The following SERTAD2 variants were observed in gnomAD, a reference collection of about 807,000 sequenced individuals.
SERTAD2 encodes SERTA domain containing 2, also known as SERTA domain-containing protein 2.
A neutral mutation model predicts 15.4 loss-of-function variants in SERTAD2; 2 were observed. The observed-to-expected ratio is 0.13, with a 90% confidence interval of 0.05 to 0.41. The LOEUF is 0.41. Among genes scored for constraint, SERTAD2 ranks in the 10% least tolerant of loss-of-function variants. The probability of loss-of-function intolerance (pLI) is 0.99; values close to 1 mark genes in which losing one functional copy is unlikely to be tolerated. For missense variants in SERTAD2, 333 were observed against 409.7 expected (o/e 0.81, Z 1.62); for synonymous variants, 180 against 178.0 (o/e 1.01, Z -0.09).
rs771584035 is a variant in SERTAD2, at chr2:64,636,269, G to A, written c.603C>T (p.Ser201=). ...AATDSVKGTS[S]EAGTQKLDGP... The stretch of plus-strand genomic sequence containing the variant: ...CGTCGAGTTTCTGGGTGCCAGCCTC[G>A]CTGGAGGTCCCTTTCACACTGTCAG... Residue 201 remains serine, a synonymous_variant, in exon 2 of 2, where the codon AGC becomes AGT. Transcript: ENST00000313349. 20 of 1,614,054 alleles carry A rather than the reference G, an allele frequency of 1.2e-5. No homozygotes were observed. Among genetic ancestry groups the A allele is most frequent in the South Asian group, 4.4e-5 (4 of 91,088 alleles).
At chr2:64,643,866 CA>C (rs956396010) in intron 1 of SERTAD2, among the ~76,000 whole-genome samples, 1 of 124,722 alleles carries the variant, frequency 8.0e-6, no homozygotes, top group South Asian at 2.5e-4. Context: ...ACTCCGTCTC[CA>C]AAAAAACAAA....
intron 1 of SERTAD2, among the ~76,000 whole-genome samples, chr2:64,642,507 TC>T (rs1411079654): frequency 6.7e-6 from 1 of 149,686 alleles, no homozygotes; most frequent in Non-Finnish European, 1.5e-5. Flanking sequence ...TTTTTAAAAA[TC>T]TTTTTTTTTT....
At chr2:64,648,495 A>G (rs537016931) in intron 1 of SERTAD2, among the ~76,000 whole-genome samples, 1 of 152,372 alleles carries the variant, frequency 6.6e-6, no homozygotes, top group African/African-American at 2.4e-5. Flanking sequence ...ACTTCTGTGC[A>G]TTGATAATGA....
chr2:64,647,172 T>G (rs1573090667), intron 1 of SERTAD2, among the ~76,000 whole-genome samples: 1 of 152,252 alleles, frequency 6.6e-6, no homozygotes, highest in East Asian at 1.9e-4. Context: ...TCTTTCTATT[T>G]AAATTATAAG....
chr2:64,636,894 G>A lies in SERTAD2; in HGVS notation c.-4-19C>T, dbSNP rs755097439. ...CATATATCTGCAGAGGGGAGAGAGA[G>A]GAAATGGCATTAATCACATGAAAGC... On this transcript the variant is annotated intron_variant, in intron 1 of 1. Coordinates refer to ENST00000313349, the MANE Select transcript of SERTAD2 (RefSeq NM_014755.3). 23 of 1,531,426 alleles carry A rather than the reference G, an allele frequency of 1.5e-5. No individual in the cohort carries two copies. The highest frequency in any genetic ancestry group is 2.3e-5 in the East Asian group (1 of 44,254). 94.9% of individuals were successfully genotyped at this position (1,531,426 alleles called of 1,614,324 possible). A position where few individuals can be genotyped will look rare whatever the true frequency, so the allele number is the denominator to read the frequency against.
intron 1 of SERTAD2, among the ~76,000 whole-genome samples, chr2:64,652,370 A>T (rs1675031119): frequency 1.3e-5 from 2 of 152,062 alleles, no homozygotes; most frequent in South Asian, 4.2e-4. Flanking sequence ...AGACGCTCTC[A>T]GGTGGACGGT....
chr2:64,635,901 G>A lies in SERTAD2; in HGVS notation c.*26C>T, dbSNP rs1250689484. The A allele has an allele frequency of 2.6e-6, 4 of 1,546,706 alleles. No individual in the cohort carries two copies. Among genetic ancestry groups the A allele is most frequent in the Admixed American group, 3.4e-5 (2 of 59,068 alleles). On this transcript the variant is annotated 3_prime_UTR_variant, in exon 2 of 2. Coordinates refer to ENST00000313349, the MANE Select transcript of SERTAD2 (RefSeq NM_014755.3). ...TATGGGAACGCTCTGGGGTCTGGGT[G>A]GGCATAGTCGCTGGGTCCCTGGGTC...
chr2:64,639,645 C>CA (rs1674728808), intron 1 of SERTAD2, among the ~76,000 whole-genome samples: 1 of 152,174 alleles, frequency 6.6e-6, no homozygotes. Flanking sequence ...GTTACTAGAA[C>CA]AAACAACAGG....
At chr2:64,649,905 TG>T (rs1674974456) in intron 1 of SERTAD2, among the ~76,000 whole-genome samples, 1 of 152,122 alleles carries the variant, frequency 6.6e-6, no homozygotes, top group Non-Finnish European at 1.5e-5. Context: ...GCTGTCCCTG[TG>T]GGGAGGCAGG....
In SERTAD2 at chr2:64,634,325, A is replaced by C. The variant is rs1674605186; in HGVS notation, c.*1602T>G. 1 of 145,610 alleles carries C rather than the reference A, an allele frequency of 6.9e-6. No individual in the cohort carries two copies. Among genetic ancestry groups the C allele is most frequent in the Non-Finnish European group, 1.5e-5 (1 of 66,710 alleles). The allele number at this position is 145,610 out of a possible 1,614,324, so 9.0% of individuals were successfully genotyped here. The stretch of plus-strand genomic sequence containing the variant: ...GCAACCTTTTTAAAATTAAATGTAC[A>C]CCACTAGGAATAAAAAGCTACTTCT... On this transcript the variant is annotated 3_prime_UTR_variant, in exon 2 of 2. Transcript: ENST00000313349.
rs761740312 is a variant in SERTAD2 at position 64,636,460 on chromosome 2, C to T, written c.412G>A (p.Asp138Asn). The change falls in exon 2 of 2, where the codon GAC becomes AAC. Residue 138 changes from aspartate to asparagine, a missense_variant. Around this residue, in one of 2 missense-constraint regions of SERTAD2, gnomAD observed 332 missense variants for 392.9 expected, o/e 0.84. Transcript: ENST00000313349. ...GAGGTGCAAAACGTGTCATCGTCGT[C>T]CTCGAGCAGTGAGGCCGGGGTGAGG... Reference protein sequence around the residue: ...ACLTPASLLEDDDDTFCTSQA... With the variant: ...ACLTPASLLENDDDTFCTSQA... The T allele has an allele frequency of 6.2e-7, 1 of 1,613,964 alleles. No homozygotes were observed. Among genetic ancestry groups the T allele is most frequent in the Non-Finnish European group, 8.5e-7 (1 of 1,179,994 alleles).
In SERTAD2 at chr2:64,635,839, G is replaced by A. The variant is rs1674644525; in HGVS notation, c.*88C>T. 5 of 1,066,912 alleles carry A rather than the reference G, an allele frequency of 4.7e-6. No homozygotes were observed. The highest frequency in any genetic ancestry group is 6.9e-6 in the Non-Finnish European group (5 of 723,028). The allele number at this position is 1,066,912 out of a possible 1,614,324, so 66.1% of individuals were successfully genotyped here. A position where few individuals can be genotyped will look rare whatever the true frequency, so the allele number is the denominator to read the frequency against. On this transcript the variant is annotated 3_prime_UTR_variant, in exon 2 of 2. Transcript: ENST00000313349. ...TTTTCTTTTTCTCTGAAAAAGGCAA[G>A]CAAGGGTGCATGCACAGTGTGGAGA...
Position 64,652,871 on chromosome 2 carries a change from C to A in SERTAD2, c.-5+749G>T, listed in dbSNP as rs139855215. Among the ~76,000 whole-genome samples the A allele has an allele frequency of 7.0e-3, 1,071 of 152,210 alleles. 10 individuals are homozygous for A. The highest frequency in any genetic ancestry group is 0.024 in the African/African-American group (1,012 of 41,538). ...GTAACTTATAGCCAAGAAAACAAAACAAAATACGATTTTCTGTCCATGTAG... is the reference window on the plus strand; with the variant it reads ...GTAACTTATAGCCAAGAAAACAAAAAAAAATACGATTTTCTGTCCATGTAG... On this transcript the variant is annotated intron_variant, in intron 1 of 1. Transcript: ENST00000313349.
chr2:64,631,882 T>C lies in SERTAD2; in HGVS notation c.*4045A>G, dbSNP rs1169547155. ...AAACATGTCACTATGTACATCTTTT[T>C]TCAAAATCTCGGTCATGCGCACATA... On this transcript the variant is annotated 3_prime_UTR_variant, in exon 2 of 2. Transcript: ENST00000313349. 2 of 152,786 alleles carry C rather than the reference T, an allele frequency of 1.3e-5. No individual in the cohort carries two copies. Among genetic ancestry groups the C allele is most frequent in the East Asian group, 1.9e-4 (1 of 5,190 alleles). The allele number at this position is 152,786 out of a possible 1,614,324, so 9.5% of individuals were successfully genotyped here. A position where few individuals can be genotyped will look rare whatever the true frequency, so the allele number is the denominator to read the frequency against.
intron 1 of SERTAD2, among the ~76,000 whole-genome samples, chr2:64,639,841 A>G (rs111984169): frequency 5.3e-5 from 8 of 152,218 alleles, no homozygotes; most frequent in Non-Finnish European, 1.2e-4. Context: ...AATTAGAATG[A>G]TCCAGCTGGC....
intron 1 of SERTAD2, among the ~76,000 whole-genome samples, chr2:64,652,535 ACATT>A (rs565899868): frequency 7.0e-4 from 107 of 152,362 alleles, no homozygotes; most frequent in African/African-American, 2.4e-3. Context: ...TTCTTAACAT[ACATT>A]GGGAAATCAA....
At chr2:64,643,437 CATG>C (rs1374281775) in intron 1 of SERTAD2, among the ~76,000 whole-genome samples, 2 of 152,210 alleles carry the variant, frequency 1.3e-5, no homozygotes, top group African/African-American at 4.8e-5. Flanking sequence ...GGGCCTGCCT[CATG>C]ATGAGTCACC....
intron 1 of SERTAD2, among the ~76,000 whole-genome samples, chr2:64,649,291 G>C (rs1242496926): frequency 2.0e-5 from 3 of 152,236 alleles, no homozygotes; most frequent in Non-Finnish European, 2.9e-5. Context: ...GGCGTGGAAT[G>C]ATAAGCAGCC....
intron 1 of SERTAD2, among the ~76,000 whole-genome samples, chr2:64,652,516 T>A (rs1675033684): frequency 6.6e-6 from 1 of 152,184 alleles, no homozygotes; most frequent in African/African-American, 2.4e-5. Context: ...TTACACACAT[T>A]ATGGATATTT....
Sources: gnomAD v4.1 joint callset for allele counts (sites outside exome capture counted in the v4.1 genomes callset) on GRCh38, gnomAD v4.1.1 for gene constraint, gnomAD v4.1.1 regional missense constraint, MANE v1.5 for transcripts, NCBI Gene and HGNC (gene_info 2026-07-23, HGNC 2026-07-21) for gene names.